Variants in CCDC47 observed in about 807,000 individuals in gnomAD.
CCDC47 encodes PAT complex subunit CCDC47.
Under a neutral mutation model 60.5 loss-of-function variants are expected in CCDC47, and 41 were observed. That is an observed-to-expected ratio of 0.68 (90% CI 0.53 to 0.88). The LOEUF is 0.88. CCDC47 is among the 40% of genes least tolerant of loss of function. CCDC47 has a pLI of 0.00. For synonymous variants in CCDC47, 195 were observed against 190.7 expected (o/e 1.02, Z -0.18); for missense variants, 513 against 580.9 (o/e 0.88, Z 1.20).
At chr17:63,771,045 G>GAAGAAAGGAAGGAAGAAAGAAAGA (rs1555717333) in intron 1 of CCDC47, among the ~76,000 whole-genome samples, 4 of 97,822 alleles carry the variant, frequency 4.1e-5, no homozygotes. Flanking sequence ...AGGAAGGAAG[G>GAAGAAAGGAAGGAAGAAAGAAAGA]AAGAAAGAAA....
chr17:63,752,950 C>G, intron 9 of CCDC47, 151 bp from the exon 10 acceptor site: 1 of 1,345,290 alleles, frequency 7.4e-7, no homozygotes, highest in Non-Finnish European at 9.6e-7. Flanking sequence ...AATGAAGGAG[C>G]TTTACAGGTC....
intron 6 of CCDC47, 29 bp downstream of exon 6, chr17:63,760,885 C>T (rs1332431479): frequency 1.4e-6 from 2 of 1,459,162 alleles, no homozygotes; most frequent in South Asian, 1.2e-5. Flanking sequence ...TCAGTCTGTA[C>T]ACAGAAAACC....
In CCDC47 at chr17:63,761,566, G is replaced by A. The variant is rs140369630; in HGVS notation, c.548-215C>T. 5.8e-3 allele frequency: 1,980 copies of A among 340,412 alleles called. 43 individuals carry two copies. The highest frequency in any genetic ancestry group is 0.051 in the East Asian group (808 of 15,724). 21.1% of individuals were successfully genotyped at this position (340,412 alleles called of 1,614,324 possible). ...TAAAAAATTAGCCGGGCATGGTGGC[G>A]CGTACCTGTAGTCCCAGCTACTCAG... On this transcript the variant is annotated intron_variant, in intron 4 of 12. Transcript: ENST00000225726.
Position 63,754,458 on chromosome 17 carries a change from A to C in CCDC47, c.1009T>G (p.Phe337Val). 6.2e-7 allele frequency: 1 copy of C among 1,605,134 alleles called. No individual in the cohort carries two copies. The highest frequency in any genetic ancestry group is 8.5e-7 in the Non-Finnish European group (1 of 1,173,396). Residue 337 changes from phenylalanine (F) to valine (V), a missense_variant, in exon 9 of 13, where the codon TTC (phenylalanine) becomes GTC (valine). By Grantham distance (50) the Phe-to-Val change is conservative. Transcript: ENST00000225726. ...TCTTGCATAATTTTTGGACCAGAGAACTGGTCTGAAAAATGAACAGATTCA... is the reference window on the plus strand; with the variant it reads ...TCTTGCATAATTTTTGGACCAGAGACCTGGTCTGAAAAATGAACAGATTCA... ...KIESVHFSDQ[F>V]SGPKIMQEEG...
At chr17:63,751,890 C>G (rs748418845) in intron 12 of CCDC47, 50 bp downstream of exon 12, 1 of 1,590,006 alleles carries the variant, frequency 6.3e-7, no homozygotes, top group East Asian at 2.2e-5. Flanking sequence ...AGAACACAAG[C>G]AGTCATCCTT....
At chr17:63,753,296 C>T (rs765364194) in intron 9 of CCDC47, 45 of 734,234 alleles carry the variant, frequency 6.1e-5, no homozygotes, top group Admixed American at 1.9e-4. Context: ...GTAATCTCTG[C>T]CTATATGAAT....
intron 12 of CCDC47, chr17:63,747,826 G>C: frequency 1.0e-6 from 1 of 980,596 alleles, no homozygotes; most frequent in Non-Finnish European, 1.2e-6. Flanking sequence ...GTAAATTCCT[G>C]GTTTGGGAAC....
chr17:63,762,226 GA>G, intron 4 of CCDC47: 1 of 985,300 alleles, frequency 1.0e-6, no homozygotes, highest in Non-Finnish European at 1.2e-6. Flanking sequence ...CCTCACAAGG[GA>G]AAACGGACTG....
chr17:63,761,386 A>G (rs2039258975), intron 4 of CCDC47, 35 bp from the exon 5 acceptor site: 1 of 1,612,758 alleles, frequency 6.2e-7, no homozygotes, highest in East Asian at 2.2e-5. Flanking sequence ...ACTCAACAGA[A>G]AATGTCAAGG....
At chr17:63,765,067 T>TA (rs1220437304) in intron 2 of CCDC47, 2 of 531,398 alleles carry the variant, frequency 3.8e-6, no homozygotes, top group Non-Finnish European at 4.8e-6. Flanking sequence ...CAGTTAATAA[T>TA]AATGTATTGT....
At chr17:63,764,545 G>A (rs1463555913) in intron 3 of CCDC47, among the ~76,000 whole-genome samples, 195 bp downstream of exon 3, 1 of 151,752 alleles carries the variant, frequency 6.6e-6, no homozygotes, top group Admixed American at 6.6e-5. Flanking sequence ...ATGAATAGGG[G>A]TTGCTTCTGT....
chr17:63,768,478 A>C (rs1048232823), intron 1 of CCDC47, among the ~76,000 whole-genome samples: 29 of 151,824 alleles, frequency 1.9e-4, no homozygotes, highest in Non-Finnish European at 5.9e-5. Context: ...GCTCGAGCCC[A>C]AGAGTTGGAG....
intron 6 of CCDC47, among the ~76,000 whole-genome samples, chr17:63,757,063 T>G (rs557438475): frequency 1.3e-5 from 2 of 151,432 alleles, no homozygotes; most frequent in South Asian, 4.2e-4. Flanking sequence ...ACCCGATCTC[T>G]AAAAAAGAAA....
chr17:63,773,018 T>C (rs1167902001), intron 1 of CCDC47, among the ~76,000 whole-genome samples: 1 of 152,216 alleles, frequency 6.6e-6, no homozygotes, highest in Non-Finnish European at 1.5e-5. Context: ...TGTTGTCATT[T>C]TAGATTAGGT....
intron 12 of CCDC47, chr17:63,747,420 C>T (rs147746869): frequency 1.0e-6 from 1 of 984,350 alleles, no homozygotes; most frequent in African/African-American, 1.7e-5. Flanking sequence ...AGCACAGACA[C>T]CATACCTGCA....
In CCDC47 at chr17:63,751,937, A is replaced by C; in HGVS notation, c.1371+3T>G. On this transcript the variant is annotated splice_donor_region_variant and intron_variant, in intron 12 of 12. Transcript: ENST00000225726. ...TTTTACCCCAGTGATAAGTTTGTCT[A>C]ACCTCCAGCCTGCGCTGTTTCTCAG... 6.2e-7 allele frequency: 1 copy of C among 1,613,778 alleles called. No individual in the cohort carries two copies. The highest frequency in any genetic ancestry group is 8.5e-7 in the Non-Finnish European group (1 of 1,180,004).
chr17:63,758,279 G>C (rs2039222816), intron 6 of CCDC47, among the ~76,000 whole-genome samples: 1 of 152,190 alleles, frequency 6.6e-6, no homozygotes, highest in African/African-American at 2.4e-5. Context: ...TGGTAGTATG[G>C]GTAACCTGGG....
chr17:63,763,192 G>A, intron 4 of CCDC47, among the ~76,000 whole-genome samples: 1 of 151,976 alleles, frequency 6.6e-6, no homozygotes, highest in Non-Finnish European at 1.5e-5. Flanking sequence ...CAAATCACTG[G>A]AATTACACGT....
At position 63,771,040 on chromosome 17, in the gene CCDC47, G is replaced by GAAA. The variant is rs1406461023; in HGVS notation, c.-20+2371_-20+2372insTTT. On this transcript the variant is annotated intron_variant, in intron 1 of 12. Transcript: ENST00000225726. ...AGGAAGGAAGGAAGGAAGGAAGGAA[G>GAAA]GAAGGAAGAAAGAAAGAAAGAAATT... Among the ~76,000 whole-genome samples, 744 of 140,750 alleles carry GAAA rather than the reference G, an allele frequency of 5.3e-3. 6 individuals carry two copies. The highest frequency in any genetic ancestry group is 0.016 in the African/African-American group (613 of 37,248). The allele number at this position is 140,750 out of a possible 152,430, so 92.3% of individuals were successfully genotyped here.
Sources: gnomAD v4.1 joint callset for allele counts (sites outside exome capture counted in the v4.1 genomes callset) on GRCh38, gnomAD v4.1.1 for gene constraint, MANE v1.5 for transcripts, NCBI Gene and HGNC (gene_info 2026-07-23, HGNC 2026-07-21) for gene names.